Variants in LDLRAD3 observed in about 807,000 individuals in gnomAD.
The protein encoded by LDLRAD3 is low density lipoprotein receptor class A domain containing 3.
LDLRAD3 carries 20 observed loss-of-function variants against 29.4 expected under a neutral mutation model. The ratio of observed to expected loss-of-function variants is 0.68; its 90% CI spans 0.48 to 0.99. LDLRAD3 has a LOEUF of 0.99. Among genes scored for constraint, LDLRAD3 ranks in the 50% least tolerant of loss-of-function variants. The probability of loss-of-function intolerance (pLI) is 0.00; values close to 1 mark genes in which losing one functional copy is unlikely to be tolerated. For missense variants in LDLRAD3, 420 were observed against 454.3 expected (o/e 0.92, Z 0.69); for synonymous variants, 157 against 192.7 (o/e 0.81, Z 1.53).
intron 4 of LDLRAD3, among the ~76,000 whole-genome samples, chr11:36,191,906 A>G (rs563535169): frequency 6.6e-6 from 1 of 152,176 alleles, no homozygotes; most frequent in Admixed American, 6.5e-5. Flanking sequence ...AAATGGGCAT[A>G]TGTGTGGCAG....
intron 1 of LDLRAD3, among the ~76,000 whole-genome samples, chr11:36,032,415 T>G (rs1852246970): frequency 6.6e-6 from 1 of 152,222 alleles, no homozygotes; most frequent in Admixed American, 6.5e-5. Flanking sequence ...AGATTTATTC[T>G]GAGGACACGG....
chr11:36,213,540 A>T lies in LDLRAD3; in HGVS notation c.455-13545A>T, dbSNP rs1855311602. 6.6e-6 allele frequency among the ~76,000 whole-genome samples: 1 copy of T among 152,240 alleles called. No individual in the cohort carries two copies. The highest frequency in any genetic ancestry group is 6.5e-5 in the Admixed American group (1 of 15,282). ...GGATGTGGGGATGCCCTTGGTTTAC[A>T]GTGGCCCAGACAATCCCTTGATGCT... is the stretch of plus-strand genomic sequence containing the variant. On this transcript the variant is annotated intron_variant, in intron 4 of 5. Coordinates refer to ENST00000315571, the MANE Select transcript of LDLRAD3 (RefSeq NM_174902.4). This position sits in a 1 kb window ranked among gnomAD's most constrained non-coding sequence, Gnocchi z 4.1.
intron 1 of LDLRAD3, among the ~76,000 whole-genome samples, chr11:35,983,979 G>A (rs768111035): frequency 3.9e-5 from 6 of 152,144 alleles, no homozygotes; most frequent in Non-Finnish European, 7.3e-5. Flanking sequence ...AATGACAAAT[G>A]TCCTTATAAG....
At chr11:36,105,481 T>C (rs1853516112) in intron 4 of LDLRAD3, among the ~76,000 whole-genome samples, 1 of 152,104 alleles carries the variant, frequency 6.6e-6, no homozygotes, top group African/African-American at 2.4e-5. Flanking sequence ...CCTCAGAGTG[T>C]GACCTTATTT....
intron 4 of LDLRAD3, among the ~76,000 whole-genome samples, chr11:36,115,850 G>C (rs1401377607): frequency 6.6e-6 from 1 of 152,150 alleles, no homozygotes; most frequent in East Asian, 1.9e-4. Flanking sequence ...ATGTGAGAAA[G>C]TTTTTAAAAA....
chr11:36,185,045 A>C (rs998227910), intron 4 of LDLRAD3, among the ~76,000 whole-genome samples: 7 of 152,098 alleles, frequency 4.6e-5, no homozygotes, highest in African/African-American at 1.7e-4. Flanking sequence ...ATTTTACTCT[A>C]GAATTAGGTT....
Position 35,944,611 on chromosome 11 carries a change from G to C in LDLRAD3, c.46+467G>C, listed in dbSNP as rs540529069. Among the ~76,000 whole-genome samples the C allele has an allele frequency of 6.6e-6, 1 of 152,164 alleles. No individual in the cohort carries two copies. The highest frequency in any genetic ancestry group is 1.5e-5 in the Non-Finnish European group (1 of 68,030). On this transcript the variant is annotated intron_variant, in intron 1 of 5. Coordinates refer to ENST00000315571, the MANE Select transcript of LDLRAD3 (RefSeq NM_174902.4). The surrounding 1 kb of genome is among the most constrained non-coding windows in gnomAD (Gnocchi z 4.9). The stretch of plus-strand genomic sequence containing the variant: ...TTCCCGAGTCTCTGGCGTGCACTCC[G>C]TGCCTCAGTTTCCCCACCTGCACCG...
At chr11:35,967,214 T>G (rs932268344) in intron 1 of LDLRAD3, 7 of 203,672 alleles carry the variant, frequency 3.4e-5, no homozygotes, top group Non-Finnish European at 7.3e-5. Flanking sequence ...CAAATTCAGC[T>G]GCTGCTAGAG....
At chr11:36,122,847 T>C (rs1231672311) in intron 4 of LDLRAD3, among the ~76,000 whole-genome samples, 1 of 152,114 alleles carries the variant, frequency 6.6e-6, no homozygotes, top group African/African-American at 2.4e-5. Flanking sequence ...AACGAGATCC[T>C]ATCTCAATTT....
intron 1 of LDLRAD3, among the ~76,000 whole-genome samples, chr11:35,999,709 G>A (rs186879933): frequency 6.6e-6 from 1 of 152,162 alleles, no homozygotes; most frequent in African/African-American, 2.4e-5. Flanking sequence ...GTCTTTTCTG[G>A]AGCTCCACGT....
intron 4 of LDLRAD3, among the ~76,000 whole-genome samples, chr11:36,200,325 C>G (rs1855109106): frequency 6.6e-6 from 1 of 152,128 alleles, no homozygotes; most frequent in Admixed American, 6.5e-5. Flanking sequence ...ATGGCGTCCT[C>G]CTCAGCACGC....
chr11:36,014,983 G>A (rs1204880688), intron 1 of LDLRAD3, among the ~76,000 whole-genome samples: 1 of 152,224 alleles, frequency 6.6e-6, no homozygotes, highest in Admixed American at 6.5e-5. Flanking sequence ...AATCCCAGAA[G>A]AGTTTGGAAA....
At chr11:36,188,207 C>T (rs1353169635) in intron 4 of LDLRAD3, among the ~76,000 whole-genome samples, 1 of 151,820 alleles carries the variant, frequency 6.6e-6, no homozygotes, top group Non-Finnish European at 1.5e-5. Context: ...AGTCCAGGTG[C>T]CTTCAATAGT....
chr11:35,999,135 G>A (rs779221571), intron 1 of LDLRAD3, among the ~76,000 whole-genome samples: 5 of 152,224 alleles, frequency 3.3e-5, no homozygotes, highest in African/African-American at 4.8e-5. Flanking sequence ...AAAGCCCTGT[G>A]CTTGGTATTG....
intron 4 of LDLRAD3, among the ~76,000 whole-genome samples, chr11:36,222,197 T>C (rs922836285): frequency 6.6e-6 from 1 of 152,118 alleles, no homozygotes; most frequent in East Asian, 1.9e-4. Context: ...GCCTCCTGAG[T>C]AGCTGGGACT....
intron 4 of LDLRAD3, among the ~76,000 whole-genome samples, chr11:36,139,070 T>C (rs1854041310): frequency 6.6e-6 from 1 of 152,260 alleles, no homozygotes; most frequent in Non-Finnish European, 1.5e-5. Context: ...CTGCCTGGAA[T>C]GCTCTTCTCT....
At chr11:36,191,450 G>A (rs1854940829) in intron 4 of LDLRAD3, among the ~76,000 whole-genome samples, 1 of 151,286 alleles carries the variant, frequency 6.6e-6, no homozygotes, top group Admixed American at 6.6e-5. Flanking sequence ...GGCTGAGATT[G>A]GAGGATTGCT....
At chr11:36,128,126 A>ATATATATATATATATATATATATATT (rs1853867209) in intron 4 of LDLRAD3, among the ~76,000 whole-genome samples, 1 of 130,402 alleles carries the variant, frequency 7.7e-6, no homozygotes. Context: ...ACATATATAT[A>ATATATATATATATATATATATATATT]TATATATATG....
chr11:35,991,194 C>G (rs765483893), intron 1 of LDLRAD3, among the ~76,000 whole-genome samples: 46 of 152,222 alleles, frequency 3.0e-4, no homozygotes, highest in Non-Finnish European at 6.0e-4. Context: ...ATCTCAATTA[C>G]AGAATATGTT....
Sources: allele counts gnomAD v4.1 joint callset (sites outside exome capture counted in the v4.1 genomes callset), GRCh38; gene constraint gnomAD v4.1.1; non-coding constraint Gnocchi (gnomAD v3.1); transcripts MANE v1.5; gene names NCBI Gene and HGNC (gene_info 2026-07-23, HGNC 2026-07-21).